NADSYN1: variants seen among roughly 807,000 people sequenced by gnomAD.
The protein encoded by NADSYN1 is NAD synthetase 1.
A neutral mutation model predicts 99.3 loss-of-function variants in NADSYN1; 80 were observed. The ratio of observed to expected loss-of-function variants is 0.81; its 90% CI spans 0.67 to 0.97. The LOEUF (loss-of-function observed/expected upper bound fraction) is 0.97, where lower values mean the gene tolerates loss of function less well. NADSYN1 is among the 50% of genes least tolerant of loss of function. The probability of loss-of-function intolerance (pLI) is 0.00; values close to 1 mark genes in which losing one functional copy is unlikely to be tolerated. For synonymous variants in NADSYN1, 385 were observed against 372.1 expected (o/e 1.03, Z -0.40); for missense variants, 859 against 948.5 (o/e 0.91, Z 1.24).
At chr11:71,490,565 G>A (rs1255951575) in intron 16 of NADSYN1, among the ~76,000 whole-genome samples, 1 of 152,182 alleles carries the variant, frequency 6.6e-6, no homozygotes, top group Non-Finnish European at 1.5e-5. Context: ...CAAGACCTCT[G>A]TCCCTCAGCT....
At chr11:71,470,710 G>T (rs895445786) in intron 5 of NADSYN1, among the ~76,000 whole-genome samples, 2 of 152,124 alleles carry the variant, frequency 1.3e-5, no homozygotes, top group Admixed American at 6.5e-5. Flanking sequence ...TACCTGTAAG[G>T]TTTTTTGACT....
At chr11:71,487,887 C>T (rs896908402) in intron 16 of NADSYN1, among the ~76,000 whole-genome samples, 5 of 151,516 alleles carry the variant, frequency 3.3e-5, no homozygotes, top group African/African-American at 1.2e-4. Context: ...AAACGTAATC[C>T]CTCAGCTGCC....
Position 71,478,483 on chromosome 11 carries a change from T to C in NADSYN1, c.873+14T>C. The C allele has an allele frequency of 6.3e-7, 1 of 1,589,192 alleles. No homozygotes were observed. The highest frequency in any genetic ancestry group is 8.6e-7 in the Non-Finnish European group (1 of 1,166,692). ...CGAAACCTGGCGGTGAGTGCTCCAG[T>C]AGACACCTGTGTGGGATGCTCATCA... On this transcript the variant is annotated intron_variant, in intron 10 of 20. Transcript: ENST00000319023.
chr11:71,471,917 A>T (rs1297537663), intron 5 of NADSYN1, among the ~76,000 whole-genome samples: 1 of 152,006 alleles, frequency 6.6e-6, no homozygotes, highest in East Asian at 1.9e-4. Context: ...AAATGCGTGA[A>T]CTGTCTGTTT....
At position 71,473,216 on chromosome 11, in the gene NADSYN1, A is replaced by G. The variant is rs1044348887; in HGVS notation, c.460-62A>G. 3 of 1,469,942 alleles carry G rather than the reference A, an allele frequency of 2.0e-6. No individual in the cohort carries two copies. In the African/African-American group the frequency reaches 4.2e-5, roughly 20 times the overall value. The allele number at this position is 1,469,942 out of a possible 1,614,324, so 91.1% of individuals were successfully genotyped here. On this transcript the variant is annotated intron_variant, in intron 6 of 20. Coordinates refer to ENST00000319023, the MANE Select transcript of NADSYN1 (RefSeq NM_018161.5). ...CTGCAGGATGTCCGTGGCCCTAGGT[A>G]GTGCGTGGCCCAGACAGGGCATGGC...
At chr11:71,497,031 A>T (rs1037963596) in intron 18 of NADSYN1, 1 of 202,186 alleles carries the variant, frequency 4.9e-6, no homozygotes, top group Non-Finnish European at 1.0e-5. Flanking sequence ...TGCACACACC[A>T]CCACACCCAG....
At chr11:71,495,313 C>T (rs1949811814) in intron 18 of NADSYN1, among the ~76,000 whole-genome samples, 1 of 152,162 alleles carries the variant, frequency 6.6e-6, no homozygotes, top group Non-Finnish European at 1.5e-5. Flanking sequence ...CTTTAATTTC[C>T]ACGTATGCAT....
intron 15 of NADSYN1, chr11:71,485,102 C>T (rs1054497370): frequency 1.1e-4 from 19 of 170,058 alleles, no homozygotes; most frequent in Non-Finnish European, 1.7e-4. Context: ...CTGACTGCTC[C>T]GTGATGGGCA....
At chr11:71,472,206 G>A (rs963961079) in intron 5 of NADSYN1, among the ~76,000 whole-genome samples, 2 of 152,206 alleles carry the variant, frequency 1.3e-5, no homozygotes, top group African/African-American at 4.8e-5. Flanking sequence ...TGGGGAAACT[G>A]AGGCAGCCCG....
Position 71,481,008 on chromosome 11 carries a change from T to A in NADSYN1, c.998+129T>A, listed in dbSNP as rs1949703346. 11 of 1,333,664 alleles carry A rather than the reference T, an allele frequency of 8.2e-6. No homozygotes were observed. The South Asian group carries it at 1.5e-4, about 18-fold the overall frequency. The allele number at this position is 1,333,664 out of a possible 1,614,324, so 82.6% of individuals were successfully genotyped here. On this transcript the variant is annotated intron_variant, in intron 11 of 20. Coordinates refer to ENST00000319023, the MANE Select transcript of NADSYN1 (RefSeq NM_018161.5). ...GGTGGGGACTTGCAGAAGGCAACTGTGCATCCCCTGGGTTGAGGGCGTGGA... is the reference window on the plus strand; with the variant it reads ...GGTGGGGACTTGCAGAAGGCAACTGAGCATCCCCTGGGTTGAGGGCGTGGA...
chr11:71,457,289 T>C (rs1166919708), intron 2 of NADSYN1, among the ~76,000 whole-genome samples: 1 of 152,250 alleles, frequency 6.6e-6, no homozygotes, highest in African/African-American at 2.4e-5. Flanking sequence ...CTTTTCCTCT[T>C]AGCAGAGCCA....
intron 16 of NADSYN1, among the ~76,000 whole-genome samples, chr11:71,486,335 C>G (rs1949743004): frequency 6.6e-6 from 1 of 152,152 alleles, no homozygotes; most frequent in Non-Finnish European, 1.5e-5. Context: ...ATCCATCCAT[C>G]TGTCCATTCA....
rs183743779 is a variant in NADSYN1, at chr11:71,469,656, C to T, written c.408-2793C>T. Among the ~76,000 whole-genome samples, 732 of 152,330 alleles carry T rather than the reference C, an allele frequency of 4.8e-3. 12 individuals are homozygous for T. The highest frequency in any genetic ancestry group is 0.017 in the African/African-American group (705 of 41,578). On this transcript the variant is annotated intron_variant, in intron 5 of 20. Transcript: ENST00000319023. ...CATGCTATTGTTTGTGGTTCAGGAA[C>T]GCCTTAAGTGGTTTTCCGCCCTGGG...
chr11:71,468,814 A>G (rs764557616), intron 5 of NADSYN1, among the ~76,000 whole-genome samples: 1 of 152,282 alleles, frequency 6.6e-6, no homozygotes, highest in African/African-American at 2.4e-5. Context: ...ACCAAAAGCC[A>G]GGTTCATTTC....
chr11:71,456,334 C>A (rs1949514448), intron 2 of NADSYN1, among the ~76,000 whole-genome samples: 1 of 152,360 alleles, frequency 6.6e-6, no homozygotes, highest in South Asian at 2.1e-4. Flanking sequence ...TTGATTGATT[C>A]TTTAAGAAAT....
intron 18 of NADSYN1, chr11:71,496,702 T>A (rs1051921563): frequency 3.3e-5 from 5 of 153,170 alleles, no homozygotes; most frequent in African/African-American, 1.2e-4. Flanking sequence ...TGCTTCCTTC[T>A]TCCCGCAGTT....
chr11:71,481,108 G>C (rs910167684), intron 11 of NADSYN1: 2 of 656,172 alleles, frequency 3.0e-6, no homozygotes, highest in South Asian at 1.9e-5. Flanking sequence ...GCCCCAAGGT[G>C]CTGTCCGTCC....
At position 71,498,486 on chromosome 11, in the gene NADSYN1, C is replaced by T; in HGVS notation, c.2028C>T (p.Tyr676=). 1 of 1,614,172 alleles carries T rather than the reference C, an allele frequency of 6.2e-7. No individual in the cohort carries two copies. Among genetic ancestry groups the T allele is most frequent in the Non-Finnish European group, 8.5e-7 (1 of 1,180,036 alleles). ...DNRFDLRPFL[Y]NTSWPWQFRC... Reference sequence around the variant, plus strand: ...GGTTTGATCTGCGACCATTTCTGTACAACACAAGCTGGCCTTGGCAGTTTC... The same window carrying T: ...GGTTTGATCTGCGACCATTTCTGTATAACACAAGCTGGCCTTGGCAGTTTC... The change falls in exon 20 of 21, where the codon TAC becomes TAT. Residue 676 remains tyrosine, a synonymous_variant. Coordinates refer to ENST00000319023, the MANE Select transcript of NADSYN1 (RefSeq NM_018161.5).
At position 71,497,622 on chromosome 11, in the gene NADSYN1, T is replaced by C; in HGVS notation, c.1893+11T>C. 6.2e-7 allele frequency: 1 copy of C among 1,613,878 alleles called. No individual in the cohort carries two copies. The highest frequency in any genetic ancestry group is 8.5e-7 in the Non-Finnish European group (1 of 1,179,920). The stretch of plus-strand genomic sequence containing the variant: ...TGCACCCCGAGACAGGTAAAGCCTG[T>C]GAGACGCATCACAGAGGGAGGCCAG... On this transcript the variant is annotated intron_variant, in intron 19 of 20. Transcript: ENST00000319023.
Sources: gnomAD v4.1 joint callset for allele counts (sites outside exome capture counted in the v4.1 genomes callset) on GRCh38, gnomAD v4.1.1 for gene constraint, MANE v1.5 for transcripts, NCBI Gene and HGNC (gene_info 2026-07-23, HGNC 2026-07-21) for gene names.